The following CSAD variants were observed in gnomAD, a reference collection of about 807,000 sequenced individuals.
CSAD encodes the protein P-selectin cytoplasmic tail-associated protein.
In CSAD, 47 loss-of-function variants were observed where a neutral mutation model predicts 61.5. That is an observed-to-expected ratio of 0.76 (90% CI 0.60 to 0.97). CSAD has a LOEUF of 0.97. CSAD is among the 50% of genes least tolerant of loss of function. The pLI, the probability that CSAD is intolerant of heterozygous loss-of-function variation, is 0.00. For synonymous variants in CSAD, 245 were observed against 252.7 expected, an observed-to-expected ratio of 0.97 and a Z score of 0.29; for missense variants, 611 against 643.6, an observed-to-expected ratio of 0.95 and a Z score of 0.55.
rs752599527 is a variant in CSAD at position 53,160,304 on chromosome 12, A to G, written c.982T>C (p.Cys328Arg). Residue 328 changes from cysteine to arginine, a missense_variant, in exon 14 of 17, where the codon TGC becomes CGC. Coordinates refer to ENST00000444623, the MANE Select transcript of CSAD (RefSeq NM_001244705.2). ...LQDTSNLLKR[C>R]HGSQASYLFQ... ...AGGTAGCTGGCCTGGGACCCATGGC[A>G]GCGCTTGAGCAGGTTCTGTGTGGGG... 6.2e-7 allele frequency: 1 copy of G among 1,614,186 alleles called. No individual in the cohort carries two copies. The highest frequency in any genetic ancestry group is 1.3e-5 in the African/African-American group (1 of 75,058).
chr12:53,165,340 C>CAA (rs796689073), intron 10 of CSAD, among the ~76,000 whole-genome samples: 5 of 143,280 alleles, frequency 3.5e-5, no homozygotes, highest in African/African-American at 1.3e-4. Context: ...GACCCTCTCT[C>CAA]AAAAAAAAAA....
chr12:53,175,404 C>G (rs541775504), intron 2 of CSAD, among the ~76,000 whole-genome samples: 2 of 152,240 alleles, frequency 1.3e-5, no homozygotes, highest in East Asian at 3.9e-4. Flanking sequence ...TCTCCTGAAG[C>G]GCTCTCAGCC....
intron 10 of CSAD, among the ~76,000 whole-genome samples, chr12:53,168,548 T>G (rs773569763): frequency 1.8e-4 from 27 of 152,162 alleles, no homozygotes; most frequent in Non-Finnish European, 2.9e-4. Flanking sequence ...GCTCATAATG[T>G]CCATTCTATA....
chr12:53,172,905 G>T (rs969059119), intron 4 of CSAD, among the ~76,000 whole-genome samples: 4 of 152,178 alleles, frequency 2.6e-5, no homozygotes, highest in African/African-American at 9.7e-5. Context: ...GCCAGATTTG[G>T]AAAGAGAAAG....
chr12:53,180,604 C>T (rs1026178781), intron 1 of CSAD, 128 bp downstream of exon 1: 20 of 1,284,574 alleles, frequency 1.6e-5, no homozygotes, highest in African/African-American at 1.1e-4. Flanking sequence ...AGCTCACCCG[C>T]TCTGAGGCTG....
chr12:53,172,691 G>A (rs2121513911), intron 4 of CSAD, 43 bp from the exon 5 acceptor site: 2 of 1,571,928 alleles, frequency 1.3e-6, no homozygotes, highest in Non-Finnish European at 1.7e-6. Context: ...GGATGCCTGT[G>A]GACTGGCTGT....
chr12:53,172,356 T>C lies in CSAD; in HGVS notation c.334A>G (p.Asn112Asp). 6.2e-7 allele frequency: 1 copy of C among 1,613,930 alleles called. No homozygotes were observed. Among genetic ancestry groups the C allele is most frequent in the Non-Finnish European group, 8.5e-7 (1 of 1,179,870 alleles). ...CCTTGGGATGCTCACTGGCTGGTGT[T>C]GAGGCTCTCAGTGATAATGCGCCCG... ...LAGRIITESL[N>D]TSQYTYEIAP... Residue 112 changes from asparagine to aspartate, a missense_variant, in exon 6 of 17, where the codon AAC becomes GAC. Transcript: ENST00000444623.
chr12:53,158,778 C>T, intron 16 of CSAD, 94 bp from the exon 17 acceptor site: 4 of 1,222,678 alleles, frequency 3.3e-6, no homozygotes, highest in Non-Finnish European at 4.6e-6. Context: ...AGGTGCTTTT[C>T]CTTCCCACCC....
chr12:53,166,061 G>C (rs1939903305), intron 10 of CSAD: 1 of 152,256 alleles, frequency 6.6e-6, no homozygotes, highest in South Asian at 2.1e-4. Context: ...ACCGGGTGCG[G>C]TGGCCCATGC....
chr12:53,170,439 C>T lies in CSAD; in HGVS notation c.631G>A (p.Val211Ile). ...GACCTTCACCTCTCATCAGCCTTGACCACTCGGACACTGTCGGTGCCAAGT... is the reference window on the plus strand; with the variant it reads ...GACCTTCACCTCTCATCAGCCTTGATCACTCGGACACTGTCGGTGCCAAGT... The part of the protein sequence containing the change: ...LGLGTDSVRV[V>I]KADERGKMVP... Residue 211 changes from valine to isoleucine, a missense_variant, in exon 9 of 17, where the codon GTC becomes ATC. Transcript: ENST00000444623. The T allele has an allele frequency of 6.2e-7, 1 of 1,614,096 alleles. No homozygotes were observed. The highest frequency in any genetic ancestry group is 8.5e-7 in the Non-Finnish European group (1 of 1,179,976).
rs1939064536 is a variant in CSAD at position 53,159,950 on chromosome 12, G to C, written c.1167-12C>G. ...CCTCCACCAGGTACCTGTGAACAGA[G>C]AGTGAGAAACCATAGGCGGGGAGGA... On this transcript the variant is annotated splice_polypyrimidine_tract_variant and intron_variant, in intron 14 of 16. Coordinates refer to ENST00000444623, the MANE Select transcript of CSAD (RefSeq NM_001244705.2). 3 of 1,606,554 alleles carry C rather than the reference G, an allele frequency of 1.9e-6. No individual in the cohort carries two copies. The highest frequency in any genetic ancestry group is 2.6e-6 in the Non-Finnish European group (3 of 1,175,864).
chr12:53,169,063 C>T (rs143411531), intron 10 of CSAD, among the ~76,000 whole-genome samples: 3,320 of 152,004 alleles, frequency 0.022, 120 homozygotes, highest in African/African-American at 0.076. Flanking sequence ...ACCTGTAATC[C>T]CAGCTACTCA....
intron 10 of CSAD, among the ~76,000 whole-genome samples, chr12:53,162,881 G>C (rs184398718): frequency 8.0e-4 from 122 of 151,916 alleles, no homozygotes; most frequent in African/African-American, 2.6e-3. Flanking sequence ...GACCAACATG[G>C]AACAACCCTG....
At chr12:53,178,238 C>T (rs977210718) in intron 2 of CSAD, 8 of 395,064 alleles carry the variant, frequency 2.0e-5, no homozygotes, top group Admixed American at 5.9e-5. Flanking sequence ...TCTAGGAGGC[C>T]GAGGCCAATG....
chr12:53,179,669 A>C, intron 1 of CSAD: 2 of 978,798 alleles, frequency 2.0e-6, no homozygotes, highest in Non-Finnish European at 3.1e-6. Context: ...AAATCTGTCT[A>C]CAAAAAAAAA....
chr12:53,160,086 G>C (rs763440191), intron 14 of CSAD, 34 bp downstream of exon 14: 6 of 1,610,242 alleles, frequency 3.7e-6, no homozygotes, highest in Non-Finnish European at 5.1e-6. Flanking sequence ...CAGGAGAGGG[G>C]AACAGGGACG....
chr12:53,171,211 G>A (rs1488626230), intron 8 of CSAD, 115 bp downstream of exon 8: 9 of 1,494,950 alleles, frequency 6.0e-6, no homozygotes, highest in Middle Eastern at 1.7e-4. Context: ...CCGCCTGGGG[G>A]CAGGCTGGCC....
intron 6 of CSAD, 99 bp from the exon 7 acceptor site, chr12:53,172,087 G>C (rs1940651485): frequency 1.2e-6 from 1 of 852,222 alleles, no homozygotes; most frequent in Non-Finnish European, 1.9e-6. Context: ...GCAGTGAAGA[G>C]TGAGCAAAGC....
At position 53,172,374 on chromosome 12, in the gene CSAD, T is replaced by C. The variant is rs1476476689; in HGVS notation, c.316A>G (p.Ile106Val). The C allele has an allele frequency of 4.3e-6, 7 of 1,613,820 alleles. No homozygotes were observed. The highest frequency in any genetic ancestry group is 5.9e-6 in the Non-Finnish European group (7 of 1,179,976). Residue 106 changes from isoleucine to valine, a missense_variant, in exon 6 of 17, where the codon ATT becomes GTT. Physicochemically the swap from Ile to Val is conservative, Grantham distance 29. Coordinates refer to ENST00000444623, the MANE Select transcript of CSAD (RefSeq NM_001244705.2). ...GLDPHALAGRIITESLNTSQY... is the reference protein window; with the variant it reads ...GLDPHALAGRVITESLNTSQY... The stretch of plus-strand genomic sequence containing the variant: ...CTGGTGTTGAGGCTCTCAGTGATAA[T>C]GCGCCCGGCCAGAGCATGGGGATCC...
Sources: allele counts gnomAD v4.1 joint callset (sites outside exome capture counted in the v4.1 genomes callset), GRCh38; gene constraint gnomAD v4.1.1; transcripts MANE v1.5; gene names NCBI Gene and HGNC (gene_info 2026-07-23, HGNC 2026-07-21).